The following ANKFN1 variants were observed in gnomAD, a reference collection of about 807,000 sequenced individuals.
ANKFN1 encodes ankyrin repeat and fibronectin type-III domain-containing protein 1.
ANKFN1 carries 74 observed loss-of-function variants against 108.7 expected under a neutral mutation model. The ratio of observed to expected loss-of-function variants is 0.68; its 90% CI spans 0.56 to 0.83. The LOEUF (loss-of-function observed/expected upper bound fraction) is 0.83. Ranked by LOEUF, ANKFN1 falls within the 40% of genes least tolerant of loss-of-function variation. The pLI, the probability that ANKFN1 is intolerant of heterozygous loss-of-function variation, is 0.00. For missense variants in ANKFN1, 1,505 were observed against 1,382.3 expected (o/e 1.09, Z -1.41); for synonymous variants, 547 against 516.2 (o/e 1.06, Z -0.81).
At chr17:56,303,684 T>C (rs1375094959) in intron 3 of ANKFN1, among the ~76,000 whole-genome samples, 1 of 152,020 alleles carries the variant, frequency 6.6e-6, no homozygotes, top group Admixed American at 6.5e-5. Flanking sequence ...GTGCTCTTTT[T>C]TTAATTATTA....
intron 4 of ANKFN1, among the ~76,000 whole-genome samples, chr17:56,101,047 C>T (rs956758350): frequency 1.3e-5 from 2 of 152,034 alleles, no homozygotes; most frequent in Non-Finnish European, 2.9e-5. Context: ...CATTGGGATC[C>T]ACCTGCACCC....
chr17:56,297,781 A>G (rs16957068), intron 3 of ANKFN1, among the ~76,000 whole-genome samples: 9,770 of 152,318 alleles, frequency 0.064, 520 homozygotes, highest in African/African-American at 0.14. Flanking sequence ...GGCTAGAGTT[A>G]TATCTCAGTC....
intron 8 of ANKFN1, among the ~76,000 whole-genome samples, chr17:56,379,904 T>A (rs147188516): frequency 7.7e-4 from 117 of 152,366 alleles, no homozygotes; most frequent in Middle Eastern, 3.4e-3. Flanking sequence ...ATACCATAAT[T>A]TTACAGCATA....
At chr17:56,202,807 G>GA (rs1253148325) in intron 1 of ANKFN1, among the ~76,000 whole-genome samples, 1 of 151,868 alleles carries the variant, frequency 6.6e-6, no homozygotes, top group Non-Finnish European at 1.5e-5. Flanking sequence ...AAAAGGTTTT[G>GA]AAAAAAATAT....
In ANKFN1 at chr17:56,143,395, C is replaced by T. The variant is rs1020833372; in HGVS notation, c.289-84522C>T. Reference sequence around the variant, plus strand: ...ACAAGCAGCCCCTCCTTGGGACACACGCCAGCTTGTCCCCCCAAAACTCCC... The same window carrying T: ...ACAAGCAGCCCCTCCTTGGGACACATGCCAGCTTGTCCCCCCAAAACTCCC... On this transcript the variant is annotated intron_variant, in intron 4 of 12. Coordinates refer to the ANKFN1 transcript ENST00000635860. Among the ~76,000 whole-genome samples the T allele has an allele frequency of 9.2e-5, 14 of 152,126 alleles. No individual in the cohort carries two copies. In the East Asian group the frequency reaches 9.7e-4, roughly 11 times the overall value.
chr17:56,458,394 A>G (rs1190577203), intron 14 of ANKFN1, among the ~76,000 whole-genome samples: 1 of 152,130 alleles, frequency 6.6e-6, no homozygotes, highest in Admixed American at 6.5e-5. Flanking sequence ...GTATATGAAG[A>G]TGGAAAAAAG....
chr17:56,153,924 C>T (rs1427655358), intron 1 of ANKFN1, among the ~76,000 whole-genome samples: 1 of 152,206 alleles, frequency 6.6e-6, no homozygotes, highest in Non-Finnish European at 1.5e-5. Context: ...TGTTCACACG[C>T]TCTCACTGTC....
intron 8 of ANKFN1, among the ~76,000 whole-genome samples, chr17:56,388,066 C>A (rs981842029): frequency 6.6e-6 from 1 of 151,954 alleles, no homozygotes; most frequent in Non-Finnish European, 1.5e-5. Flanking sequence ...CCACTTTTAA[C>A]ATTTTTTAGT....
chr17:56,112,617 A>G (rs1245808345), intron 4 of ANKFN1, among the ~76,000 whole-genome samples: 1 of 152,198 alleles, frequency 6.6e-6, no homozygotes, highest in Non-Finnish European at 1.5e-5. Context: ...TGGAGATTAT[A>G]TATGAAAATA....
chr17:56,203,247 G>GACAT (rs887634346), intron 1 of ANKFN1, among the ~76,000 whole-genome samples: 2 of 152,028 alleles, frequency 1.3e-5, no homozygotes, highest in African/African-American at 4.8e-5. Context: ...ATCTCCACGG[G>GACAT]ACATACATAC....
intron 1 of ANKFN1, among the ~76,000 whole-genome samples, chr17:56,164,468 T>C (rs2143523324): frequency 6.6e-6 from 1 of 152,296 alleles, no homozygotes; most frequent in Non-Finnish European, 1.5e-5. Flanking sequence ...GGACTGTCTA[T>C]CTCACCTCTT....
chr17:56,157,928 T>C (rs1909266684), intron 1 of ANKFN1, among the ~76,000 whole-genome samples: 1 of 152,232 alleles, frequency 6.6e-6, no homozygotes, highest in South Asian at 2.1e-4. Context: ...TACACAGTTC[T>C]TCAACTCCAG....
chr17:56,050,109 T>C (rs1040435857), intron 4 of ANKFN1, among the ~76,000 whole-genome samples: 8 of 152,026 alleles, frequency 5.3e-5, no homozygotes, highest in African/African-American at 1.9e-4. Flanking sequence ...TGGTATCTCA[T>C]AGTGGTTTTG....
intron 14 of ANKFN1, 123 bp from the exon 15 acceptor site, chr17:56,466,229 CAAAA>C (rs57013545): frequency 4.3e-6 from 3 of 704,616 alleles, no homozygotes; most frequent in Non-Finnish European, 2.3e-6. Context: ...GGTTTAAGTG[CAAAA>C]AAAAAAAAGA....
intron 3 of ANKFN1, among the ~76,000 whole-genome samples, chr17:56,315,531 C>G (rs2045178237): frequency 6.6e-6 from 1 of 152,206 alleles, no homozygotes; most frequent in Non-Finnish European, 1.5e-5. Context: ...AAATCTTGTA[C>G]TTTTCTCCCA....
intron 8 of ANKFN1, among the ~76,000 whole-genome samples, chr17:56,392,119 C>A (rs962271703): frequency 1.6e-4 from 24 of 152,116 alleles, no homozygotes; most frequent in African/African-American, 5.8e-4. Flanking sequence ...TGACTTAATT[C>A]TCACAGCGTA....
chr17:56,477,708 C>G, intron 16 of ANKFN1, 54 bp downstream of exon 16: 1 of 1,570,676 alleles, frequency 6.4e-7, no homozygotes, highest in South Asian at 1.2e-5. Flanking sequence ...GCTCAAGTGA[C>G]CAGCTTGATG....
At chr17:56,252,921 G>A (rs78353282) in intron 3 of ANKFN1, among the ~76,000 whole-genome samples, 2,277 of 152,082 alleles carry the variant, frequency 0.015, 36 homozygotes, top group African/African-American at 0.051. Flanking sequence ...AATTAGCTGG[G>A]TAGGGTGGTG....
rs1179309234 is a variant in ANKFN1, at chr17:56,457,943, T to G, written c.1521T>G (p.Thr507=). The change falls in exon 14 of 21, where the codon ACT becomes ACG. Residue 507 remains threonine (T), a synonymous_variant. Transcript: ENST00000682825. ...ISSSSSTVLQ[T]RQKMLAATAQ... ...CATCCTCATCCACAGTGCTGCAAAC[T>G]CGGCAGAAGATGCTCGCAGCAACAG... The G allele has an allele frequency of 6.2e-7, 1 of 1,614,050 alleles. No homozygotes were observed. The highest frequency in any genetic ancestry group is 1.3e-5 in the African/African-American group (1 of 75,026).
Sources: gnomAD v4.1 joint callset for allele counts (sites outside exome capture counted in the v4.1 genomes callset) on GRCh38, gnomAD v4.1.1 for gene constraint, MANE v1.5 for transcripts, NCBI Gene and HGNC (gene_info 2026-07-23, HGNC 2026-07-21) for gene names.